Variants in SLC10A7 observed in about 807,000 individuals in gnomAD.
SLC10A7 encodes the protein sodium/bile acid cotransporter 7.
SLC10A7 carries 29 observed loss-of-function variants against 43.2 expected under a neutral mutation model. The observed-to-expected ratio is 0.67, with a 90% confidence interval of 0.50 to 0.92. SLC10A7 has a LOEUF of 0.92. SLC10A7 is among the 40% of genes least tolerant of loss of function. The pLI is 0.00. For synonymous variants in SLC10A7, 152 were observed against 144.8 expected, an observed-to-expected ratio of 1.05 and a Z score of -0.35; for missense variants, 295 against 403.2, an observed-to-expected ratio of 0.73 and a Z score of 2.30.
chr4:146,421,527 G>A lies in SLC10A7; in HGVS notation c.435+21256C>T, dbSNP rs147505736. 6.9e-3 allele frequency among the ~76,000 whole-genome samples: 1,051 copies of A among 152,066 alleles called. 6 individuals are homozygous for A. Among genetic ancestry groups the A allele is most frequent in the Middle Eastern group, 0.014 (4 of 294 alleles). On this transcript the variant is annotated intron_variant, in intron 5 of 11. Coordinates refer to ENST00000335472, the MANE Select transcript of SLC10A7 (RefSeq NM_001029998.6). ...AAAACTCTTCAGCAATGCCTCACATGGTATCATGTCCAAGTTGAGCCTCTC... is the reference window on the plus strand; with the variant it reads ...AAAACTCTTCAGCAATGCCTCACATAGTATCATGTCCAAGTTGAGCCTCTC...
intron 5 of SLC10A7, among the ~76,000 whole-genome samples, chr4:146,407,341 A>G (rs1727792670): frequency 6.6e-6 from 1 of 152,208 alleles, no homozygotes. Context: ...GGACACATGC[A>G]ATATTTCTCA....
chr4:146,304,640 C>T (rs1019848664), intron 7 of SLC10A7, among the ~76,000 whole-genome samples: 1 of 152,098 alleles, frequency 6.6e-6, no homozygotes, highest in Non-Finnish European at 1.5e-5. Flanking sequence ...TCTGCTCTTT[C>T]ACATTTGCTG....
At chr4:146,305,823 A>G (rs889647086) in intron 7 of SLC10A7, 103 bp downstream of exon 7, 1 of 981,162 alleles carries the variant, frequency 1.0e-6, no homozygotes, top group Non-Finnish European at 1.5e-6. Context: ...ATTTTCATTT[A>G]TCTCCTCCCT....
intron 4 of SLC10A7, among the ~76,000 whole-genome samples, chr4:146,500,731 C>A (rs2357081): frequency 8.5e-4 from 129 of 152,244 alleles, no homozygotes; most frequent in African/African-American, 2.9e-3. Context: ...TCCCTTTTCC[C>A]TTTCATCACA....
chr4:146,277,186 G>A (rs1729264020), intron 10 of SLC10A7, among the ~76,000 whole-genome samples: 1 of 152,130 alleles, frequency 6.6e-6, no homozygotes, highest in African/African-American at 2.4e-5. Flanking sequence ...AGGAGGAATA[G>A]AGCATGAGAG....
intron 4 of SLC10A7, among the ~76,000 whole-genome samples, chr4:146,477,601 T>C (rs149921696): frequency 6.6e-6 from 1 of 152,290 alleles, no homozygotes; most frequent in East Asian, 1.9e-4. Context: ...AGGTAAAGGA[T>C]AACAAGAATT....
intron 4 of SLC10A7, among the ~76,000 whole-genome samples, chr4:146,486,831 G>GT (rs1359402267): frequency 2.6e-5 from 4 of 152,228 alleles, no homozygotes; most frequent in African/African-American, 9.6e-5. Context: ...ACAACTGCCA[G>GT]TGATGCAGGA....
intron 9 of SLC10A7, among the ~76,000 whole-genome samples, chr4:146,289,720 T>A (rs1423780859): frequency 7.2e-6 from 1 of 139,712 alleles, no homozygotes; most frequent in South Asian, 2.5e-4. Context: ...TTTTTTTTTT[T>A]TTTTTTTTTT....
chr4:146,456,630 A>T (rs1396275133), intron 4 of SLC10A7, among the ~76,000 whole-genome samples: 1 of 151,990 alleles, frequency 6.6e-6, no homozygotes, highest in Non-Finnish European at 1.5e-5. Context: ...AAGGTCTGGG[A>T]AGGAGTGCAG....
chr4:146,515,953 A>T (rs900824129), intron 2 of SLC10A7, among the ~76,000 whole-genome samples: 6 of 151,668 alleles, frequency 4.0e-5, no homozygotes, highest in African/African-American at 7.3e-5. Context: ...AAAGATTTAT[A>T]CCAACCGATG....
intron 5 of SLC10A7, among the ~76,000 whole-genome samples, chr4:146,416,198 A>C (rs1728550944): frequency 6.8e-6 from 1 of 148,042 alleles, no homozygotes; most frequent in Admixed American, 6.7e-5. Flanking sequence ...GTGGCACAGC[A>C]GTCACTTAGT....
chr4:146,426,908 A>C (rs773709007), intron 5 of SLC10A7, among the ~76,000 whole-genome samples: 20 of 152,148 alleles, frequency 1.3e-4, no homozygotes, highest in Non-Finnish European at 2.2e-4. Context: ...CCTATAACAA[A>C]ACATATGTTT....
At chr4:146,449,041 A>AG (rs773757556) in intron 4 of SLC10A7, among the ~76,000 whole-genome samples, 84 of 152,342 alleles carry the variant, frequency 5.5e-4, no homozygotes, top group Middle Eastern at 3.4e-3. Flanking sequence ...CAAACAGCAA[A>AG]GAAATTAGAA....
intron 7 of SLC10A7, among the ~76,000 whole-genome samples, chr4:146,299,204 A>T (rs979593368): frequency 2.6e-5 from 4 of 152,080 alleles, no homozygotes; most frequent in Non-Finnish European, 4.4e-5. Context: ...ATAATTTGGC[A>T]CTCCTGGTTA....
At chr4:146,457,804 T>C (rs1732200852) in intron 4 of SLC10A7, among the ~76,000 whole-genome samples, 1 of 151,918 alleles carries the variant, frequency 6.6e-6, no homozygotes, top group Non-Finnish European at 1.5e-5. Context: ...ATGACCTAAA[T>C]TTTCTATTAC....
chr4:146,256,736 G>T (rs1027568044), intron 11 of SLC10A7: 1 of 1,117,112 alleles, frequency 9.0e-7, no homozygotes, highest in Admixed American at 2.2e-5. Flanking sequence ...CACCTGGCCT[G>T]GCTACTCGTA....
Position 146,309,054 on chromosome 4 carries a change from C to T in SLC10A7, c.472-3045G>A, listed in dbSNP as rs139682453. On this transcript the variant is annotated intron_variant, in intron 6 of 11. Coordinates refer to ENST00000335472, the MANE Select transcript of SLC10A7 (RefSeq NM_001029998.6). ...GAGGTCGGTGTGCACGCCTGTCCAT[C>T]GCCAAGTATGCCTGCACTCAGTCCT... Among the ~76,000 whole-genome samples the T allele has an allele frequency of 2.7e-4, 41 of 152,234 alleles. No individual in the cohort carries two copies. The East Asian group carries it at 7.7e-3, about 29-fold the overall frequency.
rs542772884 is a variant in SLC10A7, at chr4:146,411,650, A to T, written c.435+31133T>A. Among the ~76,000 whole-genome samples, 12 of 152,268 alleles carry T rather than the reference A, an allele frequency of 7.9e-5. No individual in the cohort carries two copies. In the East Asian group the frequency reaches 2.3e-3, roughly 29 times the overall value. ...CATATAGGCACTTGAAAAATAATTC[A>T]TGGTGAGGGTGATAGCAATGATGAT... On this transcript the variant is annotated intron_variant, in intron 5 of 11. Transcript: ENST00000335472.
chr4:146,262,118 T>C (rs538444946), intron 10 of SLC10A7, among the ~76,000 whole-genome samples: 33 of 152,230 alleles, frequency 2.2e-4, no homozygotes, highest in Non-Finnish European at 2.8e-4. Flanking sequence ...TTCTTCTAAA[T>C]CTATTTATCT....
Sources: gnomAD v4.1 joint callset for allele counts (sites outside exome capture counted in the v4.1 genomes callset) on GRCh38, gnomAD v4.1.1 for gene constraint, MANE v1.5 for transcripts, NCBI Gene and HGNC (gene_info 2026-07-23, HGNC 2026-07-21) for gene names.